The following CUX1 variants were observed in gnomAD, a reference collection of about 807,000 sequenced individuals.
CUX1 encodes the protein protein CASP.
Under a neutral mutation model 158.8 loss-of-function variants are expected in CUX1, and 31 were observed. The observed-to-expected ratio is 0.20, with a 90% CI of 0.15 to 0.26. The LOEUF is 0.26. Among genes scored for constraint, CUX1 ranks in the 10% least tolerant of loss-of-function variants. The pLI, the probability that CUX1 is intolerant of heterozygous loss-of-function variation, is 1.00. For synonymous variants in CUX1, 879 were observed against 862.1 expected (o/e 1.02, Z -0.34); for missense variants, 1,589 against 2,014.6 (o/e 0.79, Z 4.04).
intron 2 of CUX1, among the ~76,000 whole-genome samples, chr7:102,019,195 C>G (rs1819044559): frequency 6.6e-6 from 1 of 152,074 alleles, no homozygotes; most frequent in South Asian, 2.1e-4. Context: ...CGCCCCCCTC[C>G]CACCCCACTT....
At chr7:101,898,873 T>C (rs1340811688) in intron 1 of CUX1, among the ~76,000 whole-genome samples, 2 of 152,202 alleles carry the variant, frequency 1.3e-5, no homozygotes, top group Non-Finnish European at 2.9e-5. Flanking sequence ...TTACAAAGCA[T>C]AAGCCACCGC....
intron 20 of CUX1, among the ~76,000 whole-genome samples, chr7:102,210,167 A>C (rs891048228): frequency 6.6e-6 from 1 of 151,786 alleles, no homozygotes; most frequent in Non-Finnish European, 1.5e-5. Flanking sequence ...CGCGATCTCG[A>C]CTCACTGCAA....
At chr7:102,054,819 A>G (rs1429984003) in intron 3 of CUX1, among the ~76,000 whole-genome samples, 2 of 152,114 alleles carry the variant, frequency 1.3e-5, no homozygotes, top group African/African-American at 4.8e-5. Context: ...AAAAAGTTAA[A>G]GATTAGCCAA....
intron 1 of CUX1, among the ~76,000 whole-genome samples, chr7:101,855,332 T>C (rs950488240): frequency 6.6e-6 from 1 of 152,180 alleles, no homozygotes; most frequent in Non-Finnish European, 1.5e-5. Context: ...TGGCCTTGCC[T>C]GCCAGGGGGA....
chr7:102,100,695 A>G (rs984959183), intron 5 of CUX1, among the ~76,000 whole-genome samples: 18 of 152,164 alleles, frequency 1.2e-4, no homozygotes, highest in Non-Finnish European at 4.4e-5. Context: ...GGGCCAGCAC[A>G]ATGGCTCATG....
chr7:101,849,618 G>A (rs1190289451), intron 1 of CUX1, among the ~76,000 whole-genome samples: 1 of 152,032 alleles, frequency 6.6e-6, no homozygotes, highest in Non-Finnish European at 1.5e-5. Flanking sequence ...CTTTGCTATT[G>A]TGAATAGTGC....
chr7:102,199,983 G>C, intron 16 of CUX1, 88 bp from the exon 17 acceptor site: 1 of 1,114,330 alleles, frequency 9.0e-7, no homozygotes, highest in Middle Eastern at 2.4e-4. Context: ...CCCCACCCGG[G>C]GCTATATATC....
At position 102,248,950 on chromosome 7, in the gene CUX1, C is replaced by T; in HGVS notation, c.4426C>T (p.Leu1476=). The T allele has an allele frequency of 6.7e-7, 1 of 1,488,082 alleles. No individual in the cohort carries two copies. Among genetic ancestry groups the T allele is most frequent in the South Asian group, 1.2e-5 (1 of 80,872 alleles). 92.2% of individuals were successfully genotyped at this position (1,488,082 alleles called of 1,614,324 possible). A position where few individuals can be genotyped will look rare whatever the true frequency, so the allele number is the denominator to read the frequency against. The change falls in exon 24 of 24, where the codon CTG becomes TTG. Residue 1476 remains leucine, a synonymous_variant. Transcript: ENST00000292535. This position sits in a 1 kb window ranked among gnomAD's most constrained non-coding sequence, Gnocchi z 5.8. ...CGCCCGGGACTCGCGCGACAACCCC[C>T]TGCGCAAGAAGAAGGCCGCGAACTT... ...AGARDSRDNP[L]RKKKAANLNS...
chr7:101,854,830 C>T (rs954753036), intron 1 of CUX1, among the ~76,000 whole-genome samples: 5 of 152,318 alleles, frequency 3.3e-5, no homozygotes, highest in African/African-American at 4.8e-5. Context: ...CTGCAACCTC[C>T]GCCTCCTGGG....
Position 102,258,081 on chromosome 7 carries a change from G to A in CUX1, c.*9039G>A. On this transcript the variant is annotated 3_prime_UTR_variant, in exon 24 of 24. Transcript: ENST00000292535. ...CCCTTGGTGTTGTCCCTCTGTCTTT[G>A]GTTAGCCATACGATGTTTGTTCTCA... is the stretch of plus-strand genomic sequence containing the variant. The A allele has an allele frequency of 1.0e-6, 1 of 985,188 alleles. No homozygotes were observed. Among genetic ancestry groups the A allele is most frequent in the Non-Finnish European group, 1.2e-6 (1 of 829,892 alleles). The allele number at this position is 985,188 out of a possible 1,614,324, so 61.0% of individuals were successfully genotyped here. A position where few individuals can be genotyped will look rare whatever the true frequency, so the allele number is the denominator to read the frequency against.
chr7:101,980,792 C>T (rs945297408), intron 2 of CUX1, among the ~76,000 whole-genome samples: 17 of 152,118 alleles, frequency 1.1e-4, no homozygotes, highest in Non-Finnish European at 1.0e-4. Flanking sequence ...ACCAGCCCGC[C>T]GTCCGCACGG....
intron 1 of CUX1, among the ~76,000 whole-genome samples, chr7:101,862,223 A>G (rs1164336174): frequency 6.6e-6 from 1 of 151,832 alleles, no homozygotes; most frequent in African/African-American, 2.4e-5. Flanking sequence ...CAGAAACTCA[A>G]GAAACATCTA....
At chr7:101,881,476 C>G (rs937933600) in intron 1 of CUX1, among the ~76,000 whole-genome samples, 1 of 152,208 alleles carries the variant, frequency 6.6e-6, no homozygotes, top group African/African-American at 2.4e-5. Context: ...TCCCTTGATT[C>G]CTCCTCGCTG....
chr7:102,278,587 C>T (rs1250490720), intron 18 of CUX1, among the ~76,000 whole-genome samples: 7 of 122,768 alleles, frequency 5.7e-5, no homozygotes, highest in African/African-American at 1.7e-4. Context: ...AGCGAAACTC[C>T]GTCTCAAAAA....
intron 2 of CUX1, among the ~76,000 whole-genome samples, chr7:101,947,890 C>G (rs1263324480): frequency 2.6e-5 from 4 of 152,196 alleles, no homozygotes; most frequent in African/African-American, 9.7e-5. Context: ...ATTGTTGACC[C>G]TAGCCATCCA....
intron 4 of CUX1, among the ~76,000 whole-genome samples, chr7:102,081,481 C>T (rs957080409): frequency 2.7e-5 from 4 of 146,760 alleles, no homozygotes; most frequent in Non-Finnish European, 6.2e-5. Flanking sequence ...TTTGGCAGTT[C>T]CACCTTCGCT....
intron 17 of CUX1, among the ~76,000 whole-genome samples, chr7:102,275,627 G>A (rs1791549108): frequency 6.6e-6 from 1 of 152,174 alleles, no homozygotes; most frequent in African/African-American, 2.4e-5. Context: ...CGCCAGGCAA[G>A]TGCCCTCTTG....
chr7:101,982,722 C>CT lies in CUX1; in HGVS notation c.142-45364dup, dbSNP rs911335466. 7.4e-3 allele frequency among the ~76,000 whole-genome samples: 1,072 copies of CT among 145,702 alleles called. 4 individuals are homozygous for CT. Among genetic ancestry groups the CT allele is most frequent in the Non-Finnish European group, 0.01 (662 of 65,912 alleles). On this transcript the variant is annotated intron_variant, in intron 2 of 23. Coordinates refer to ENST00000292535, the MANE Select transcript of CUX1 (RefSeq NM_181552.4). ...GATTACAGGTGTGAGCCAACAGGGA[C>CT]TTTTTTTTTTTTATTATACTTTAAG... is the stretch of plus-strand genomic sequence containing the variant.
At chr7:101,952,018 C>T (rs1053024763) in intron 2 of CUX1, among the ~76,000 whole-genome samples, 3 of 152,224 alleles carry the variant, frequency 2.0e-5, no homozygotes, top group Non-Finnish European at 4.4e-5. Context: ...CCCATTTGAA[C>T]TCCTGTCCTG....
Sources: gnomAD v4.1 joint callset for allele counts (sites outside exome capture counted in the v4.1 genomes callset) on GRCh38, gnomAD v4.1.1 for gene constraint, Gnocchi (gnomAD v3.1) non-coding constraint, MANE v1.5 for transcripts, NCBI Gene and HGNC (gene_info 2026-07-23, HGNC 2026-07-21) for gene names.